PCDH9: variants seen among roughly 807,000 people sequenced by gnomAD.
The protein encoded by PCDH9 is protocadherin 9.
PCDH9 carries 24 observed loss-of-function variants against 70.6 expected under a neutral mutation model. The observed-to-expected ratio is 0.34, with a 90% CI of 0.25 to 0.48. The LOEUF (loss-of-function observed/expected upper bound fraction) is 0.48, where lower values mean the gene tolerates loss of function less well. Among genes scored for constraint, PCDH9 ranks in the 20% least tolerant of loss-of-function variants. The probability of loss-of-function intolerance (pLI) is 0.99; values close to 1 mark genes in which losing one functional copy is unlikely to be tolerated. For synonymous variants in PCDH9, 562 were observed against 558.5 expected, an observed-to-expected ratio of 1.01 and a Z score of -0.09; for missense variants, 1,281 against 1,503.6, an observed-to-expected ratio of 0.85 and a Z score of 2.45.
chr13:67,067,726 T>C (rs2085677646), intron 2 of PCDH9, among the ~76,000 whole-genome samples: 1 of 141,888 alleles, frequency 7.0e-6, no homozygotes, highest in East Asian at 2.3e-4. Flanking sequence ...AAGTCACTGA[T>C]ATAAGTAAAG....
At chr13:67,138,225 A>G (rs544326109) in intron 2 of PCDH9, among the ~76,000 whole-genome samples, 8 of 152,300 alleles carry the variant, frequency 5.3e-5, no homozygotes, top group Middle Eastern at 3.4e-3. Context: ...CAAAAAGAAC[A>G]CATCCCCATT....
At chr13:67,015,811 C>A (rs2084549736) in intron 2 of PCDH9, among the ~76,000 whole-genome samples, 1 of 152,162 alleles carries the variant, frequency 6.6e-6, no homozygotes, top group African/African-American at 2.4e-5. Context: ...TCTCATTCAT[C>A]TATGTTCCTA....
At chr13:66,348,395 T>C (rs575296432) in intron 4 of PCDH9, among the ~76,000 whole-genome samples, 36 of 60,630 alleles carry the variant, frequency 5.9e-4, no homozygotes, top group African/African-American at 2.0e-3. Flanking sequence ...AGTAACATTT[T>C]CTTTTCTTTT....
chr13:67,029,468 T>G (rs1191974905), intron 2 of PCDH9, among the ~76,000 whole-genome samples: 1 of 152,174 alleles, frequency 6.6e-6, no homozygotes, highest in African/African-American at 2.4e-5. Flanking sequence ...TCCTATGTTT[T>G]TATTTTTCTT....
At chr13:66,500,288 AG>A (rs1413636758) in intron 4 of PCDH9, among the ~76,000 whole-genome samples, 1 of 152,202 alleles carries the variant, frequency 6.6e-6, no homozygotes, top group Non-Finnish European at 1.5e-5. Flanking sequence ...ACATATTTAA[AG>A]AAAATAAAAT....
chr13:66,473,124 T>C (rs1216953628), intron 4 of PCDH9, among the ~76,000 whole-genome samples: 1 of 152,024 alleles, frequency 6.6e-6, no homozygotes, highest in Non-Finnish European at 1.5e-5. Flanking sequence ...GCAGTGGCAG[T>C]TTATTCAAAC....
chr13:66,625,095 TTG>T (rs2077481241), intron 4 of PCDH9, among the ~76,000 whole-genome samples: 1 of 151,772 alleles, frequency 6.6e-6, no homozygotes, highest in African/African-American at 2.4e-5. Context: ...AGACATCATA[TTG>T]TTTCTTTTAT....
At chr13:66,802,388 T>G (rs1317517913) in intron 3 of PCDH9, among the ~76,000 whole-genome samples, 1 of 152,078 alleles carries the variant, frequency 6.6e-6, no homozygotes, top group African/African-American at 2.4e-5. Context: ...ATAAACACTA[T>G]GCATATTTTT....
At chr13:66,814,269 A>T (rs1019139237) in intron 3 of PCDH9, among the ~76,000 whole-genome samples, 5 of 152,142 alleles carry the variant, frequency 3.3e-5, no homozygotes, top group African/African-American at 1.2e-4. Flanking sequence ...ATTACAAATA[A>T]TCACCATGGA....
At chr13:66,420,785 G>A (rs1352277996) in intron 4 of PCDH9, among the ~76,000 whole-genome samples, 1 of 152,004 alleles carries the variant, frequency 6.6e-6, no homozygotes, top group Non-Finnish European at 1.5e-5. Flanking sequence ...TCCTCCAAAG[G>A]ATCACAACTC....
intron 2 of PCDH9, among the ~76,000 whole-genome samples, chr13:66,947,680 T>A (rs1337940612): frequency 6.6e-6 from 1 of 152,172 alleles, no homozygotes; most frequent in Non-Finnish European, 1.5e-5. Flanking sequence ...CTGTCCATAG[T>A]TGGAAAAGTA....
At chr13:66,585,158 A>T (rs1198212041) in intron 4 of PCDH9, among the ~76,000 whole-genome samples, 1 of 152,100 alleles carries the variant, frequency 6.6e-6, no homozygotes, top group East Asian at 1.9e-4. Context: ...TTAAGATATC[A>T]TAGGCATGTG....
intron 3 of PCDH9, among the ~76,000 whole-genome samples, chr13:66,809,463 A>C (rs2080465956): frequency 6.6e-6 from 1 of 152,176 alleles, no homozygotes; most frequent in Non-Finnish European, 1.5e-5. Context: ...TGCTTAAATT[A>C]TTACCAAATC....
chr13:66,852,775 C>T (rs572946377), intron 3 of PCDH9, among the ~76,000 whole-genome samples: 15 of 150,182 alleles, frequency 1.0e-4, no homozygotes, highest in Admixed American at 2.6e-4. Context: ...CTCAAGTAGA[C>T]GGTGTACCAT....
At chr13:67,086,543 G>T (rs1038789377) in intron 2 of PCDH9, among the ~76,000 whole-genome samples, 24 of 152,278 alleles carry the variant, frequency 1.6e-4, no homozygotes, top group Admixed American at 1.2e-3. Flanking sequence ...CAATAAAGAT[G>T]AAAGTGCAAC....
At chr13:66,753,463 T>C (rs958779979) in intron 3 of PCDH9, among the ~76,000 whole-genome samples, 2 of 152,194 alleles carry the variant, frequency 1.3e-5, no homozygotes, top group African/African-American at 4.8e-5. Flanking sequence ...CCCATAAATA[T>C]GCACAATTTT....
At chr13:66,797,270 A>T (rs1169221005) in intron 3 of PCDH9, among the ~76,000 whole-genome samples, 18 of 152,206 alleles carry the variant, frequency 1.2e-4, no homozygotes, top group Non-Finnish European at 4.4e-5. Context: ...TATAAATTTC[A>T]TGGGGAAACT....
chr13:66,427,059 G>T (rs906550163), intron 4 of PCDH9, among the ~76,000 whole-genome samples: 4 of 151,512 alleles, frequency 2.6e-5, no homozygotes, highest in Non-Finnish European at 5.9e-5. Flanking sequence ...GTCAACCTCA[G>T]ACAATTTTAT....
intron 3 of PCDH9, among the ~76,000 whole-genome samples, chr13:66,753,616 T>C (rs2079493809): frequency 6.6e-6 from 1 of 152,208 alleles, no homozygotes. Context: ...GGATCCTGAC[T>C]GGAGGGATAA....
Sources: gnomAD v4.1 joint callset for allele counts (sites outside exome capture counted in the v4.1 genomes callset) on GRCh38, gnomAD v4.1.1 for gene constraint, MANE v1.5 for transcripts, NCBI Gene and HGNC (gene_info 2026-07-23, HGNC 2026-07-21) for gene names.